The following ANTXR1 variants were observed in gnomAD, a reference collection of about 807,000 sequenced individuals.
ANTXR1 encodes anthrax toxin receptor 1.
In ANTXR1, 19 loss-of-function variants were observed where a neutral mutation model predicts 78.1. That is an observed-to-expected ratio of 0.24 (90% CI 0.17 to 0.36). The LOEUF (loss-of-function observed/expected upper bound fraction) is 0.36, where lower values mean the gene tolerates loss of function less well. ANTXR1 is among the 10% of genes least tolerant of loss of function. ANTXR1 has a pLI of 1.00. For missense variants in ANTXR1, 518 were observed against 718.6 expected, an observed-to-expected ratio of 0.72 and a Z score of 3.19; for synonymous variants, 273 against 260.5, an observed-to-expected ratio of 1.05 and a Z score of -0.46.
intron 14 of ANTXR1, chr2:69,172,562 T>C (rs1019697441): frequency 7.3e-7 from 1 of 1,374,706 alleles, no homozygotes; most frequent in African/African-American, 1.5e-5. Context: ...AATCAAACAC[T>C]CTCTGCCGTA....
At chr2:69,216,967 T>A (rs575096412) in intron 17 of ANTXR1, among the ~76,000 whole-genome samples, 72 of 152,326 alleles carry the variant, frequency 4.7e-4, no homozygotes, top group African/African-American at 1.7e-3. Context: ...ATATCCCACA[T>A]CTTTCCATCT....
At chr2:69,091,063 A>C in intron 9 of ANTXR1, 144 bp downstream of exon 9, 1 of 764,946 alleles carries the variant, frequency 1.3e-6, no homozygotes, top group Non-Finnish European at 2.2e-6. Context: ...TGCTAACCAA[A>C]TTTGCTCCAA....
chr2:69,071,002 A>T (rs570136185), intron 4 of ANTXR1, among the ~76,000 whole-genome samples: 8 of 152,176 alleles, frequency 5.3e-5, no homozygotes, highest in Non-Finnish European at 8.8e-5. Flanking sequence ...AAGTCCCGCC[A>T]CTCCAAAAAT....
At chr2:69,069,617 A>T (rs1457656117) in intron 3 of ANTXR1, among the ~76,000 whole-genome samples, 1 of 152,164 alleles carries the variant, frequency 6.6e-6, no homozygotes, top group Non-Finnish European at 1.5e-5. Flanking sequence ...TTTGACTTCA[A>T]GTCTCCACTC....
At chr2:69,116,368 T>C (rs1217902248) in intron 10 of ANTXR1, among the ~76,000 whole-genome samples, 1 of 152,268 alleles carries the variant, frequency 6.6e-6, no homozygotes, top group East Asian at 1.9e-4. Context: ...GGAGTCCTGC[T>C]GAATATAATT....
intron 3 of ANTXR1, among the ~76,000 whole-genome samples, chr2:69,062,961 G>C (rs1460131191): frequency 6.6e-6 from 1 of 151,954 alleles, no homozygotes; most frequent in African/African-American, 2.4e-5. Context: ...TTATCAGATA[G>C]GTTTAAAACC....
At chr2:69,101,829 A>T (rs954223655) in intron 9 of ANTXR1, among the ~76,000 whole-genome samples, 19 of 152,324 alleles carry the variant, frequency 1.2e-4, no homozygotes, top group African/African-American at 4.6e-4. Context: ...TTTTAGATAC[A>T]AAAGGATGAT....
chr2:69,110,184 A>G (rs562618526), intron 10 of ANTXR1, among the ~76,000 whole-genome samples: 5 of 152,338 alleles, frequency 3.3e-5, no homozygotes, highest in Non-Finnish European at 7.3e-5. Flanking sequence ...GTTTTCATTC[A>G]TCATCAGTGA....
intron 17 of ANTXR1, among the ~76,000 whole-genome samples, chr2:69,223,797 T>C (rs1304152151): frequency 2.0e-5 from 3 of 152,198 alleles, no homozygotes; most frequent in Non-Finnish European, 2.9e-5. Context: ...GGCAAGACCT[T>C]GCTTAAGGAA....
At chr2:69,203,996 G>C (rs982920911) in intron 17 of ANTXR1, among the ~76,000 whole-genome samples, 2 of 152,176 alleles carry the variant, frequency 1.3e-5, no homozygotes, top group African/African-American at 4.8e-5. Context: ...AATCAGGATT[G>C]AGGGAGGTAG....
intron 13 of ANTXR1, 25 bp downstream of exon 13, chr2:69,152,289 T>C (rs1165632083): frequency 6.2e-7 from 1 of 1,609,394 alleles, no homozygotes; most frequent in Non-Finnish European, 8.5e-7. Context: ...CCTCAGGCCA[T>C]GCAAGGTGAA....
intron 1 of ANTXR1, among the ~76,000 whole-genome samples, chr2:69,015,338 T>C (rs976939985): frequency 2.9e-4 from 44 of 150,620 alleles, no homozygotes; most frequent in Admixed American, 1.3e-3. Flanking sequence ...AGCCATATTC[T>C]CTCTCCAAAT....
In ANTXR1 at chr2:69,246,063, C is replaced by T. The variant is rs1342939340; in HGVS notation, c.*578C>T. On this transcript the variant is annotated 3_prime_UTR_variant, in exon 18 of 18. Coordinates refer to ENST00000303714, the MANE Select transcript of ANTXR1 (RefSeq NM_032208.3). Reference sequence around the variant, plus strand: ...GATGTTCTTCTGGGATTTGCAGGTACATAAAAAATGTATGGCATCTTTTCC... The same window carrying T: ...GATGTTCTTCTGGGATTTGCAGGTATATAAAAAATGTATGGCATCTTTTCC... 3 of 152,686 alleles carry T rather than the reference C, an allele frequency of 2.0e-5. No individual in the cohort carries two copies. The highest frequency in any genetic ancestry group is 2.9e-5 in the Non-Finnish European group (2 of 68,428). 9.5% of individuals were successfully genotyped at this position (152,686 alleles called of 1,614,324 possible).
chr2:69,115,149 G>T (rs544815476), intron 10 of ANTXR1, among the ~76,000 whole-genome samples: 2 of 152,198 alleles, frequency 1.3e-5, no homozygotes, highest in African/African-American at 4.8e-5. Context: ...TCCTCCCCCA[G>T]TTGCAGTAAC....
intron 1 of ANTXR1, among the ~76,000 whole-genome samples, chr2:69,038,710 A>C (rs1669523085): frequency 6.6e-6 from 1 of 152,218 alleles, no homozygotes; most frequent in East Asian, 1.9e-4. Flanking sequence ...ATGCCTATGT[A>C]CATTCTCTAG....
At chr2:69,207,788 A>T (rs1455179486) in intron 17 of ANTXR1, among the ~76,000 whole-genome samples, 4 of 152,164 alleles carry the variant, frequency 2.6e-5, no homozygotes, top group African/African-American at 4.8e-5. Context: ...CTCTTGTCCC[A>T]CATCCAAGAA....
chr2:69,249,093 A>C lies in ANTXR1; in HGVS notation c.*3608A>C, dbSNP rs1325692435. 1 of 152,218 alleles carries C rather than the reference A, an allele frequency of 6.6e-6. No individual in the cohort carries two copies. Among genetic ancestry groups the C allele is most frequent in the Non-Finnish European group, 1.5e-5 (1 of 68,034 alleles). 9.4% of individuals were successfully genotyped at this position (152,218 alleles called of 1,614,324 possible). On this transcript the variant is annotated 3_prime_UTR_variant, in exon 18 of 18. Coordinates refer to ENST00000303714, the MANE Select transcript of ANTXR1 (RefSeq NM_032208.3). Reference sequence around the variant, plus strand: ...ATCAGTTATCACTATACCATGCTATAGGAGACTGGGCAAAACCTGTACAAT... The same window carrying C: ...ATCAGTTATCACTATACCATGCTATCGGAGACTGGGCAAAACCTGTACAAT...
At chr2:69,071,420 G>GGTA (rs1670561438) in intron 4 of ANTXR1, among the ~76,000 whole-genome samples, 1 of 152,182 alleles carries the variant, frequency 6.6e-6, no homozygotes, top group Admixed American at 6.5e-5. Flanking sequence ...ACATAGAAAT[G>GGTA]GTAATGCATT....
chr2:69,138,485 T>C (rs1245486252), intron 12 of ANTXR1, among the ~76,000 whole-genome samples: 1 of 152,194 alleles, frequency 6.6e-6, no homozygotes, highest in Non-Finnish European at 1.5e-5. Context: ...CAGAAGGCAG[T>C]CAAACTCCTC....
Sources: gnomAD v4.1 joint callset for allele counts (sites outside exome capture counted in the v4.1 genomes callset) on GRCh38, gnomAD v4.1.1 for gene constraint, MANE v1.5 for transcripts, NCBI Gene and HGNC (gene_info 2026-07-23, HGNC 2026-07-21) for gene names.